Variants in EXT1 observed in about 807,000 individuals in gnomAD.
EXT1 encodes the protein exostosin-1.
EXT1 carries 20 observed loss-of-function variants against 82.5 expected under a neutral mutation model. That is an observed-to-expected ratio of 0.24 (90% CI 0.17 to 0.35). The LOEUF is 0.35. EXT1 is among the 10% of genes least tolerant of loss of function. The pLI, the probability that EXT1 is intolerant of heterozygous loss-of-function variation, is 1.00. For missense variants in EXT1, 757 were observed against 936.5 expected, an observed-to-expected ratio of 0.81 and a Z score of 2.50; for synonymous variants, 348 against 350.8, an observed-to-expected ratio of 0.99 and a Z score of 0.09.
chr8:117,930,988 C>A (rs773840582), intron 1 of EXT1, among the ~76,000 whole-genome samples: 14 of 152,204 alleles, frequency 9.2e-5, no homozygotes, highest in Non-Finnish European at 2.1e-4. Context: ...TTACAGATGC[C>A]ATGGCAATGC....
At position 117,800,013 on chromosome 8, in the gene EXT1, G is replaced by A. The variant is rs538725275; in HGVS notation, c.2056-116C>T. ...AGCAGCAAAGCTTGGGGTCTGGCCC[G>A]GCCACCAAGTCTCACCATCTATGCA... On this transcript the variant is annotated intron_variant, in intron 10 of 10. Transcript: ENST00000378204. The A allele has an allele frequency of 1.0e-3, 1,134 of 1,081,076 alleles. 2 individuals carry two copies. Among genetic ancestry groups the A allele is most frequent in the Non-Finnish European group, 1.3e-3 (984 of 732,298 alleles). 67.0% of individuals were successfully genotyped at this position (1,081,076 alleles called of 1,614,324 possible). A position where few individuals can be genotyped will look rare whatever the true frequency, so the allele number is the denominator to read the frequency against.
chr8:117,943,081 T>C (rs1814319806), intron 1 of EXT1, among the ~76,000 whole-genome samples: 1 of 152,240 alleles, frequency 6.6e-6, no homozygotes, highest in Non-Finnish European at 1.5e-5. Context: ...TGGATGTTTG[T>C]GAAAACATTC....
chr8:117,931,691 C>T (rs924901841), intron 1 of EXT1, among the ~76,000 whole-genome samples: 11 of 152,278 alleles, frequency 7.2e-5, no homozygotes, highest in East Asian at 3.9e-4. Context: ...TGTCTGTTGC[C>T]GGACATGCTG....
At position 117,796,277 on chromosome 8, in the gene EXT1, C is replaced by G. The variant is rs560319736; in HGVS notation, c.*3435G>C. The G allele has an allele frequency of 4.6e-5, 7 of 152,084 alleles. No individual in the cohort carries two copies. The highest frequency in any genetic ancestry group is 1.7e-4 in the African/African-American group (7 of 41,460). The allele number at this position is 152,084 out of a possible 1,614,324, so 9.4% of individuals were successfully genotyped here. ...TAATTCAGCCTTGTCCAGCAAGAAT[C>G]TCATTCAGATTCCAACCTAGTAAGG... On this transcript the variant is annotated 3_prime_UTR_variant, in exon 11 of 11. Transcript: ENST00000378204.
At chr8:118,000,184 A>G (rs1447713666) in intron 1 of EXT1, among the ~76,000 whole-genome samples, 1 of 152,198 alleles carries the variant, frequency 6.6e-6, no homozygotes, top group Non-Finnish European at 1.5e-5. Flanking sequence ...AAAGAAAGTA[A>G]TAAATAGATC....
At chr8:117,960,078 G>A (rs1814669763) in intron 1 of EXT1, among the ~76,000 whole-genome samples, 1 of 152,146 alleles carries the variant, frequency 6.6e-6, no homozygotes, top group Admixed American at 6.5e-5. Context: ...GGGTGTGGTG[G>A]CAGGCACCTG....
At position 117,808,530 on chromosome 8, in the gene EXT1, T is replaced by G. The variant is rs17439562; in HGVS notation, c.1723-1153A>C. ...TCTGTTACTCCAGTGTTAAAAGCAATTTGTCTCTTATACACGCTATGATTC... is the reference window on the plus strand; with the variant it reads ...TCTGTTACTCCAGTGTTAAAAGCAAGTTGTCTCTTATACACGCTATGATTC... On this transcript the variant is annotated intron_variant, in intron 8 of 10. Transcript: ENST00000378204. 6.9e-3 allele frequency among the ~76,000 whole-genome samples: 1,048 copies of G among 152,356 alleles called. 5 individuals are homozygous for G. The highest frequency in any genetic ancestry group is 0.011 in the South Asian group (53 of 4,834).
chr8:117,985,340 T>G (rs1815294934), intron 1 of EXT1, among the ~76,000 whole-genome samples: 2 of 152,214 alleles, frequency 1.3e-5, no homozygotes, highest in Non-Finnish European at 2.9e-5. Context: ...TCCCTGATGA[T>G]TTCAGAGAGA....
intron 1 of EXT1, among the ~76,000 whole-genome samples, chr8:117,968,485 A>G (rs1365624271): frequency 6.6e-6 from 1 of 151,602 alleles, no homozygotes; most frequent in East Asian, 1.9e-4. Context: ...GGCCTGCCTT[A>G]CCACAAAGTC....
At chr8:117,915,210 CCACTA>C (rs1813724539) in intron 1 of EXT1, among the ~76,000 whole-genome samples, 1 of 152,110 alleles carries the variant, frequency 6.6e-6, no homozygotes, top group African/African-American at 2.4e-5. Flanking sequence ...CCCTGATATT[CCACTA>C]AGAAACTATT....
At chr8:118,017,955 C>T (rs753991929) in intron 1 of EXT1, among the ~76,000 whole-genome samples, 5 of 152,204 alleles carry the variant, frequency 3.3e-5, no homozygotes, top group Admixed American at 6.5e-5. Flanking sequence ...AGAGCAATTT[C>T]GCTTTCCAGA....
At chr8:117,840,989 A>G (rs1459372772) in intron 1 of EXT1, among the ~76,000 whole-genome samples, 1 of 152,230 alleles carries the variant, frequency 6.6e-6, no homozygotes, top group East Asian at 1.9e-4. Flanking sequence ...CGGTGCAGCC[A>G]CTTCGAAAAA....
At chr8:117,961,518 G>A (rs1302026987) in intron 1 of EXT1, among the ~76,000 whole-genome samples, 1 of 152,178 alleles carries the variant, frequency 6.6e-6, no homozygotes, top group Non-Finnish European at 1.5e-5. Flanking sequence ...AGGAATATTA[G>A]GGGATAAGTT....
chr8:117,795,836 C>T lies in EXT1; in HGVS notation c.*3876G>A, dbSNP rs1823082120. On this transcript the variant is annotated 3_prime_UTR_variant, in exon 11 of 11. Coordinates refer to ENST00000378204, the MANE Select transcript of EXT1 (RefSeq NM_000127.3). ...AAAAGACTTGGTGTCAAAGGATAAA[C>T]TAATCTCTTTATGCTGAAGTTCTTA... 6.6e-6 allele frequency: 1 copy of T among 152,042 alleles called. No homozygotes were observed. Among genetic ancestry groups the T allele is most frequent in the Admixed American group, 6.6e-5 (1 of 15,262 alleles). 9.4% of individuals were successfully genotyped at this position (152,042 alleles called of 1,614,324 possible).
chr8:118,067,014 G>C (rs2447542), intron 1 of EXT1, among the ~76,000 whole-genome samples: 60,644 of 152,138 alleles, frequency 0.4, 16,173 homozygotes, highest in African/African-American at 0.74. Context: ...GCTGCCGTCT[G>C]TAAGTCTCTG....
At chr8:118,056,246 A>C (rs963333318) in intron 1 of EXT1, among the ~76,000 whole-genome samples, 1 of 152,216 alleles carries the variant, frequency 6.6e-6, no homozygotes, top group Non-Finnish European at 1.5e-5. Context: ...CCCTTTAGAA[A>C]AACAAAAATA....
intron 1 of EXT1, among the ~76,000 whole-genome samples, chr8:117,868,046 A>C (rs1812804835): frequency 6.6e-6 from 1 of 152,164 alleles, no homozygotes; most frequent in Non-Finnish European, 1.5e-5. Context: ...CAAAGTCCTT[A>C]ACTTTATATT....
chr8:118,075,956 G>T (rs756974146), intron 1 of EXT1, among the ~76,000 whole-genome samples: 13 of 152,108 alleles, frequency 8.5e-5, no homozygotes, highest in Admixed American at 2.0e-4. Flanking sequence ...CTCAACATGA[G>T]ATTTAAGGGG....
At position 117,794,507 on chromosome 8, in the gene EXT1, T is replaced by A. The variant is rs1823065119; in HGVS notation, c.*5205A>T. 6.6e-6 allele frequency: 1 copy of A among 152,132 alleles called. No homozygotes were observed. Among genetic ancestry groups the A allele is most frequent in the Non-Finnish European group, 1.5e-5 (1 of 68,046 alleles). The allele number at this position is 152,132 out of a possible 1,614,324, so 9.4% of individuals were successfully genotyped here. On this transcript the variant is annotated 3_prime_UTR_variant, in exon 11 of 11. Transcript: ENST00000378204. ...CACACAGATGAAAAGTCATGTCATT[T>A]ATTAATAATTTCTTTTTTTTTTCTT...
Sources: allele counts gnomAD v4.1 joint callset (sites outside exome capture counted in the v4.1 genomes callset), GRCh38; gene constraint gnomAD v4.1.1; transcripts MANE v1.5; gene names NCBI Gene and HGNC (gene_info 2026-07-23, HGNC 2026-07-21).